MRAS: variants seen among roughly 807,000 people sequenced by gnomAD.
MRAS encodes ras-related protein M-Ras.
MRAS carries 4 observed loss-of-function variants against 20.9 expected under a neutral mutation model. The ratio of observed to expected loss-of-function variants is 0.19; its 90% CI spans 0.09 to 0.44. The LOEUF is 0.44. Among genes scored for constraint, MRAS ranks in the 20% least tolerant of loss-of-function variants. The probability of loss-of-function intolerance (pLI) is 0.99; values close to 1 mark genes in which losing one functional copy is unlikely to be tolerated. For synonymous variants in MRAS, 98 were observed against 102.9 expected, an observed-to-expected ratio of 0.95 and a Z score of 0.29; for missense variants, 154 against 277.5, an observed-to-expected ratio of 0.56 and a Z score of 3.16.
chr3:138,384,683 G>A (rs1419960318), intron 2 of MRAS, among the ~76,000 whole-genome samples: 1 of 152,124 alleles, frequency 6.6e-6, no homozygotes, highest in East Asian at 1.9e-4. Context: ...ATAGAAATCT[G>A]GGTGGTGACC....
intron 1 of MRAS, among the ~76,000 whole-genome samples, chr3:138,359,553 C>T (rs1020662999): frequency 2.6e-5 from 4 of 152,210 alleles, no homozygotes; most frequent in South Asian, 2.1e-4. Context: ...TTAATGGTGT[C>T]TAACATCTTA....
chr3:138,367,412 G>T (rs1368619765), intron 1 of MRAS, among the ~76,000 whole-genome samples: 1 of 152,144 alleles, frequency 6.6e-6, no homozygotes, highest in Non-Finnish European at 1.5e-5. Flanking sequence ...GTGGAGTTGA[G>T]GCTGTCCCTG....
chr3:138,381,876 G>T (rs542866727), intron 2 of MRAS, among the ~76,000 whole-genome samples: 2 of 152,222 alleles, frequency 1.3e-5, no homozygotes, highest in Non-Finnish European at 2.9e-5. Flanking sequence ...GGACGAGGAG[G>T]AGAGGAGGAC....
At chr3:138,376,582 A>G (rs2054787566) in intron 2 of MRAS, among the ~76,000 whole-genome samples, 1 of 152,208 alleles carries the variant, frequency 6.6e-6, no homozygotes, top group Non-Finnish European at 1.5e-5. Flanking sequence ...TGCTAGCTAT[A>G]TTATTTTTTT....
At chr3:138,348,571 A>G (rs1158938010), upstream of MRAS, 4 of 151,814 alleles carry the variant, frequency 2.6e-5, no homozygotes, top group African/African-American at 9.7e-5. Flanking sequence ...GCGGCGCGCT[A>G]GGCGCTCGGG....
At chr3:138,353,286 G>T (rs1271034889) in intron 1 of MRAS, among the ~76,000 whole-genome samples, 1 of 152,074 alleles carries the variant, frequency 6.6e-6, no homozygotes, top group Non-Finnish European at 1.5e-5. Flanking sequence ...AAAGTATGGT[G>T]GTTTTCAGAT....
At chr3:138,399,475 T>C (rs2055313008) in intron 4 of MRAS, among the ~76,000 whole-genome samples, 1 of 152,226 alleles carries the variant, frequency 6.6e-6, no homozygotes, top group African/African-American at 2.4e-5. Context: ...GATGGGAAGA[T>C]ACTGACTGGT....
chr3:138,395,272 G>C (rs1321185949), intron 2 of MRAS, among the ~76,000 whole-genome samples: 1 of 151,998 alleles, frequency 6.6e-6, no homozygotes, highest in African/African-American at 2.4e-5. Context: ...CCTGACCTCA[G>C]GTGATCCACT....
chr3:138,362,640 T>C (rs1249791457), intron 1 of MRAS, among the ~76,000 whole-genome samples: 2 of 152,156 alleles, frequency 1.3e-5, no homozygotes, highest in Admixed American at 1.3e-4. Context: ...TGTACTCCCG[T>C]ATGGACTTGG....
At chr3:138,362,863 A>G (rs569979154) in intron 1 of MRAS, among the ~76,000 whole-genome samples, 118 of 151,422 alleles carry the variant, frequency 7.8e-4, no homozygotes, top group African/African-American at 2.7e-3. Flanking sequence ...TTCCCCTGCC[A>G]CTCTTACCCC....
chr3:138,359,229 A>G (rs1576343024), intron 1 of MRAS, among the ~76,000 whole-genome samples: 1 of 151,452 alleles, frequency 6.6e-6, no homozygotes, highest in Non-Finnish European at 1.5e-5. Flanking sequence ...TGGGCTTAAA[A>G]CCCTGGGATT....
At chr3:138,377,876 A>G (rs573086127) in intron 2 of MRAS, among the ~76,000 whole-genome samples, 2 of 152,382 alleles carry the variant, frequency 1.3e-5, no homozygotes, top group East Asian at 1.9e-4. Context: ...TGCTAAGCAC[A>G]TTGCATTTGC....
chr3:138,358,847 A>G (rs927723235), intron 1 of MRAS, among the ~76,000 whole-genome samples: 1 of 152,216 alleles, frequency 6.6e-6, no homozygotes, highest in African/African-American at 2.4e-5. Context: ...AGTATATTTA[A>G]GGTGCTTAGC....
At chr3:138,389,080 T>G (rs954855878) in intron 2 of MRAS, among the ~76,000 whole-genome samples, 2 of 152,078 alleles carry the variant, frequency 1.3e-5, no homozygotes, top group African/African-American at 4.8e-5. Context: ...GACCTCGTGA[T>G]CCGCCCTCCT....
intron 1 of MRAS, among the ~76,000 whole-genome samples, chr3:138,354,276 AC>A (rs2054286064): frequency 6.6e-6 from 1 of 152,198 alleles, no homozygotes; most frequent in Non-Finnish European, 1.5e-5. Context: ...GGGTAGTATA[AC>A]AAATACCATG....
At chr3:138,392,432 T>A (rs528604493) in intron 2 of MRAS, among the ~76,000 whole-genome samples, 2 of 152,356 alleles carry the variant, frequency 1.3e-5, no homozygotes, top group East Asian at 3.9e-4. Context: ...ATTTGTTCTA[T>A]ATTTAAGAGA....
At chr3:138,387,824 A>T (rs1407276685) in intron 2 of MRAS, among the ~76,000 whole-genome samples, 2 of 152,216 alleles carry the variant, frequency 1.3e-5, no homozygotes, top group Non-Finnish European at 2.9e-5. Context: ...GTGCACCGAC[A>T]TATGCAGTTT....
rs1447922571 is a variant in MRAS, at chr3:138,397,547, C to CTCTCTT, written c.347+82_347+87dup. ...CTGCCTCCTAGGGCGCTCTCTCTCTCTCTCTTTCTCTTTCTCTCTCTCTCA... is the reference window on the plus strand; with the variant it reads ...CTGCCTCCTAGGGCGCTCTCTCTCTCTCTCTTTCTCTTTCTCTTTCTCTCTCTCTCA... On this transcript the variant is annotated intron_variant, in intron 3 of 5. Transcript: ENST00000423968. 96 of 1,539,890 alleles carry CTCTCTT rather than the reference C, an allele frequency of 6.2e-5. No individual in the cohort carries two copies. The African/African-American group carries it at 1.2e-3, about 19-fold the overall frequency.
intron 1 of MRAS, among the ~76,000 whole-genome samples, chr3:138,371,335 C>T (rs964861048): frequency 3.9e-5 from 6 of 152,168 alleles, no homozygotes; most frequent in African/African-American, 1.4e-4. Context: ...CATTTGTGTC[C>T]AGCCCCCTTT....
Sources: gnomAD v4.1 joint callset for allele counts (sites outside exome capture counted in the v4.1 genomes callset) on GRCh38, gnomAD v4.1.1 for gene constraint, MANE v1.5 for transcripts, NCBI Gene and HGNC (gene_info 2026-07-23, HGNC 2026-07-21) for gene names.